Variants in GAB2 observed in about 807,000 individuals in gnomAD.
GAB2 encodes GRB2-associated-binding protein 2.
In GAB2, 26 loss-of-function variants were observed where a neutral mutation model predicts 65.5. That is an observed-to-expected ratio of 0.40 (90% CI 0.29 to 0.55). The LOEUF is 0.55. GAB2 is among the 20% of genes least tolerant of loss of function. GAB2 has a pLI of 0.53. For synonymous variants in GAB2, 321 were observed against 329.6 expected (o/e 0.97, Z 0.28); for missense variants, 884 against 875.8 (o/e 1.01, Z -0.12).
At chr11:78,288,774 A>G (rs1301293801) in intron 1 of GAB2, among the ~76,000 whole-genome samples, 1 of 152,236 alleles carries the variant, frequency 6.6e-6, no homozygotes, top group Non-Finnish European at 1.5e-5. Flanking sequence ...GATTTAACAC[A>G]ATTCCCATCA....
At chr11:78,294,921 G>C (rs2134612726) in intron 1 of GAB2, among the ~76,000 whole-genome samples, 1 of 152,304 alleles carries the variant, frequency 6.6e-6, no homozygotes. Flanking sequence ...CTTCTGTACA[G>C]CAAAAGAGAC....
chr11:78,394,243 G>A (rs538378393), intron 1 of GAB2, among the ~76,000 whole-genome samples: 15 of 152,232 alleles, frequency 9.9e-5, no homozygotes, highest in East Asian at 9.7e-4. Context: ...AGCCGAGATC[G>A]TGCCACTGCA....
intron 1 of GAB2, among the ~76,000 whole-genome samples, chr11:78,298,172 G>A (rs1333391048): frequency 6.6e-6 from 1 of 152,106 alleles, no homozygotes; most frequent in Non-Finnish European, 1.5e-5. Flanking sequence ...ATGGTGATAT[G>A]GACCAGGGCA....
intron 1 of GAB2, among the ~76,000 whole-genome samples, chr11:78,285,560 G>A (rs1256622139): frequency 6.6e-6 from 1 of 152,222 alleles, no homozygotes; most frequent in Non-Finnish European, 1.5e-5. Context: ...CCACCTCCCA[G>A]GTTCAGGCGA....
chr11:78,406,424 T>A (rs1591093138), intron 1 of GAB2, among the ~76,000 whole-genome samples: 1 of 151,772 alleles, frequency 6.6e-6, no homozygotes, highest in Non-Finnish European at 1.5e-5. Context: ...GTTGCCCAGG[T>A]TGGAGTGCAA....
chr11:78,233,040 G>GTTTT (rs372693456), intron 3 of GAB2, among the ~76,000 whole-genome samples: 3 of 132,006 alleles, frequency 2.3e-5, no homozygotes, highest in Non-Finnish European at 3.1e-5. Context: ...GCACTGTTAA[G>GTTTT]TTTTTTTTTT....
intron 1 of GAB2, among the ~76,000 whole-genome samples, chr11:78,373,049 T>C (rs148548143): frequency 1.9e-3 from 289 of 152,234 alleles, no homozygotes; most frequent in Non-Finnish European, 3.2e-3. Context: ...GGGACAGATA[T>C]TACCAAGGGA....
chr11:78,299,976 G>A (rs1387225912), intron 1 of GAB2, among the ~76,000 whole-genome samples: 1 of 151,906 alleles, frequency 6.6e-6, no homozygotes, highest in African/African-American at 2.4e-5. Flanking sequence ...ATATAATTTA[G>A]ATAACGTAAA....
chr11:78,409,597 T>TA (rs1221175378), intron 1 of GAB2, among the ~76,000 whole-genome samples: 1 of 150,462 alleles, frequency 6.6e-6, no homozygotes, highest in Non-Finnish European at 1.5e-5. Context: ...AAAAAAATAA[T>TA]AAAAAAAATA....
chr11:78,244,489 T>TG (rs1160666857), intron 3 of GAB2, among the ~76,000 whole-genome samples: 1 of 151,904 alleles, frequency 6.6e-6, no homozygotes, highest in African/African-American at 2.4e-5. Flanking sequence ...GACAACCTAC[T>TG]GAATGGGAGA....
intron 3 of GAB2, among the ~76,000 whole-genome samples, chr11:78,231,272 C>G (rs1864838593): frequency 6.6e-6 from 1 of 152,088 alleles, no homozygotes. Context: ...AATGGCTCTT[C>G]CAGAGGCTAT....
At chr11:78,334,984 C>T (rs774501887) in intron 1 of GAB2, among the ~76,000 whole-genome samples, 1 of 152,222 alleles carries the variant, frequency 6.6e-6, no homozygotes, top group African/African-American at 2.4e-5. Context: ...TTATGTATCT[C>T]TGATGATCAA....
intron 1 of GAB2, among the ~76,000 whole-genome samples, chr11:78,416,603 G>A (rs999590266): frequency 1.6e-4 from 24 of 152,052 alleles, no homozygotes; most frequent in African/African-American, 5.6e-4. Context: ...GTTAAACAAG[G>A]GCATTTCATG....
Position 78,260,970 on chromosome 11 carries a change from G to A in GAB2, c.377-10570C>T, listed in dbSNP as rs534541126. 1.3e-4 allele frequency among the ~76,000 whole-genome samples: 20 copies of A among 152,266 alleles called. No individual in the cohort carries two copies. In the South Asian group the frequency reaches 4.1e-3, roughly 32 times the overall value. ...GAACAAGGAGGTCCCAGCCCTTTGGGAGGCAAAGGCAGGAGGATCACTTGA... is the reference window on the plus strand; with the variant it reads ...GAACAAGGAGGTCCCAGCCCTTTGGAAGGCAAAGGCAGGAGGATCACTTGA... On this transcript the variant is annotated intron_variant, in intron 2 of 9. Transcript: ENST00000361507.
chr11:78,365,052 G>A (rs1856480026), intron 1 of GAB2, among the ~76,000 whole-genome samples: 1 of 152,112 alleles, frequency 6.6e-6, no homozygotes, highest in Non-Finnish European at 1.5e-5. Flanking sequence ...GATCTTTAGT[G>A]GTGACTTCTG....
At chr11:78,260,967 T>A (rs1249072583) in intron 2 of GAB2, among the ~76,000 whole-genome samples, 2 of 152,108 alleles carry the variant, frequency 1.3e-5, no homozygotes, top group Admixed American at 1.3e-4. Flanking sequence ...CCCAGCCCTT[T>A]GGGAGGCAAA....
chr11:78,220,614 A>AG, intron 8 of GAB2, among the ~76,000 whole-genome samples, 170 bp from the exon 9 acceptor site: 1 of 152,284 alleles, frequency 6.6e-6, no homozygotes, highest in South Asian at 2.1e-4. Context: ...CAATCCTGTA[A>AG]GGTAGGTATG....
chr11:78,278,990 C>CT (rs57052807), intron 2 of GAB2, among the ~76,000 whole-genome samples: 34,330 of 151,672 alleles, frequency 0.23, 4,329 homozygotes, highest in East Asian at 0.4. Context: ...CCCTCTACCA[C>CT]TTTTTTTTAC....
At chr11:78,319,191 A>AT (rs561964882) in intron 1 of GAB2, among the ~76,000 whole-genome samples, 18 of 151,936 alleles carry the variant, frequency 1.2e-4, no homozygotes, top group East Asian at 1.2e-3. Context: ...CTAAAAATGA[A>AT]TTTTTTTTCC....
Sources: gnomAD v4.1 joint callset for allele counts (sites outside exome capture counted in the v4.1 genomes callset) on GRCh38, gnomAD v4.1.1 for gene constraint, MANE v1.5 for transcripts, NCBI Gene and HGNC (gene_info 2026-07-23, HGNC 2026-07-21) for gene names.